GMDS: variants seen among roughly 807,000 people sequenced by gnomAD.
GMDS encodes GDP-mannose 4,6-dehydratase, also known as GDP-mannose 4,6 dehydratase.
Under a neutral mutation model 49.9 loss-of-function variants are expected in GMDS, and 20 were observed. That is an observed-to-expected ratio of 0.40 (90% CI 0.28 to 0.58). The LOEUF is 0.58. Ranked by LOEUF, GMDS falls within the 20% of genes least tolerant of loss-of-function variation. The pLI is 0.42. For missense variants in GMDS, 362 were observed against 481.4 expected (o/e 0.75, Z 2.32); for synonymous variants, 177 against 178.6 (o/e 0.99, Z 0.07).
At chr6:2,137,329 T>G (rs936963944) in intron 1 of GMDS, among the ~76,000 whole-genome samples, 3 of 147,602 alleles carry the variant, frequency 2.0e-5, no homozygotes, top group Non-Finnish European at 3.0e-5. Context: ...TACTGCTATA[T>G]TCCCTTTTTT....
chr6:2,121,226 G>A (rs1311720442), intron 2 of GMDS, among the ~76,000 whole-genome samples: 2 of 152,084 alleles, frequency 1.3e-5, no homozygotes, highest in Non-Finnish European at 2.9e-5. Context: ...TGGTCAACAG[G>A]GATAAAGGAG....
chr6:1,714,590 G>C (rs996101474), intron 9 of GMDS, among the ~76,000 whole-genome samples: 1 of 152,194 alleles, frequency 6.6e-6, no homozygotes, highest in Non-Finnish European at 1.5e-5. Flanking sequence ...CGTGTCATGG[G>C]GAAAGCCAGA....
chr6:2,058,307 T>C (rs1478387181), intron 4 of GMDS, among the ~76,000 whole-genome samples: 1 of 142,392 alleles, frequency 7.0e-6, no homozygotes, highest in Non-Finnish European at 1.5e-5. Context: ...ATGGCACCAC[T>C]GCACTCCAGC....
intron 9 of GMDS, among the ~76,000 whole-genome samples, chr6:1,667,766 T>C (rs1764281349): frequency 6.6e-6 from 1 of 152,008 alleles, no homozygotes; most frequent in Non-Finnish European, 1.5e-5. Flanking sequence ...GTATTATTTT[T>C]CTTCTTCTCA....
intron 4 of GMDS, among the ~76,000 whole-genome samples, chr6:2,083,542 TGAATACA>T (rs2127470113): frequency 6.6e-6 from 1 of 152,272 alleles, no homozygotes; most frequent in South Asian, 2.1e-4. Flanking sequence ...AATGCCACAC[TGAATACA>T]GAATACAGAC....
chr6:2,057,000 T>C (rs1312517802), intron 4 of GMDS, among the ~76,000 whole-genome samples: 1 of 152,252 alleles, frequency 6.6e-6, no homozygotes, highest in Non-Finnish European at 1.5e-5. Context: ...CCATTTAATA[T>C]GAATACACTG....
At chr6:1,799,802 A>G (rs903327941) in intron 7 of GMDS, among the ~76,000 whole-genome samples, 9 of 152,188 alleles carry the variant, frequency 5.9e-5, no homozygotes, top group African/African-American at 2.2e-4. Flanking sequence ...CAAACTGCGT[A>G]CTTTGTTCCT....
At chr6:1,882,275 T>A (rs757992408) in intron 7 of GMDS, among the ~76,000 whole-genome samples, 1 of 152,232 alleles carries the variant, frequency 6.6e-6, no homozygotes, top group Non-Finnish European at 1.5e-5. Context: ...CTCAGTGTAC[T>A]GCACCAAAGA....
chr6:1,632,084 T>C (rs114591535), intron 9 of GMDS, among the ~76,000 whole-genome samples: 6 of 152,218 alleles, frequency 3.9e-5, no homozygotes, highest in African/African-American at 1.4e-4. Flanking sequence ...CAAAGTCCTA[T>C]ACCGAAATGT....
intron 6 of GMDS, among the ~76,000 whole-genome samples, chr6:1,955,560 T>A (rs1415018863): frequency 6.6e-6 from 1 of 152,156 alleles, no homozygotes; most frequent in Non-Finnish European, 1.5e-5. Flanking sequence ...ACAAGTGCCA[T>A]CCACCCTCTT....
intron 4 of GMDS, among the ~76,000 whole-genome samples, chr6:2,076,975 C>T (rs1347476434): frequency 6.6e-6 from 1 of 152,144 alleles, no homozygotes; most frequent in Non-Finnish European, 1.5e-5. Context: ...CTATTTCGTT[C>T]ATCCATCTTT....
At chr6:1,831,254 G>T (rs1756628929) in intron 7 of GMDS, among the ~76,000 whole-genome samples, 2 of 152,212 alleles carry the variant, frequency 1.3e-5, no homozygotes. Context: ...GGAGAATTCA[G>T]TGGCTGTGTC....
At chr6:1,891,917 ACAG>A (rs1759888233) in intron 7 of GMDS, among the ~76,000 whole-genome samples, 1 of 152,230 alleles carries the variant, frequency 6.6e-6, no homozygotes, top group Non-Finnish European at 1.5e-5. Context: ...CAAGGAGGCC[ACAG>A]AACTCCACAA....
chr6:1,712,943 C>T lies in GMDS; in HGVS notation c.987+13473G>A, dbSNP rs555296227. Among the ~76,000 whole-genome samples, 17 of 152,288 alleles carry T rather than the reference C, an allele frequency of 1.1e-4. No homozygotes were observed. In the South Asian group the frequency reaches 1.7e-3, roughly 15 times the overall value. On this transcript the variant is annotated intron_variant, in intron 9 of 10. Coordinates refer to ENST00000380815, the MANE Select transcript of GMDS (RefSeq NM_001500.4). ...TGAATCAGAAAGCCTGACCAATGTCCGTGGATGACCAGGGACACGGGGCAG... is the reference window on the plus strand; with the variant it reads ...TGAATCAGAAAGCCTGACCAATGTCTGTGGATGACCAGGGACACGGGGCAG...
intron 1 of GMDS, among the ~76,000 whole-genome samples, chr6:2,169,337 T>C (rs1777825907): frequency 6.6e-6 from 1 of 152,224 alleles, no homozygotes; most frequent in Admixed American, 6.5e-5. Flanking sequence ...AACAGTATGG[T>C]GGCTCACGCC....
intron 8 of GMDS, among the ~76,000 whole-genome samples, chr6:1,741,811 C>CAAAAAAAAAAAAAAAAAAAAA: frequency 4.3e-5 from 1 of 23,054 alleles, no homozygotes; most frequent in Non-Finnish European, 9.6e-5. Flanking sequence ...GACTCTGTCT[C>CAAAAAAAAAAAAAAAAAAAAA]AAAAAAAAAA....
intron 1 of GMDS, among the ~76,000 whole-genome samples, chr6:2,134,853 GTATT>G (rs1459659305): frequency 2.6e-5 from 4 of 152,130 alleles, no homozygotes; most frequent in Non-Finnish European, 5.9e-5. Context: ...ATACAGCAAA[GTATT>G]TATTATTGTT....
chr6:2,188,221 A>G (rs1207988767), intron 1 of GMDS, among the ~76,000 whole-genome samples: 1 of 152,254 alleles, frequency 6.6e-6, no homozygotes, highest in East Asian at 1.9e-4. Context: ...TTTTACCCAA[A>G]TGCTCAGAAA....
intron 1 of GMDS, among the ~76,000 whole-genome samples, chr6:2,207,762 G>A (rs1282713463): frequency 6.6e-6 from 1 of 151,760 alleles, no homozygotes; most frequent in Non-Finnish European, 1.5e-5. Context: ...CTTCCCCTCT[G>A]GAAATTACAG....
Sources: allele counts gnomAD v4.1 joint callset (sites outside exome capture counted in the v4.1 genomes callset), GRCh38; gene constraint gnomAD v4.1.1; transcripts MANE v1.5; gene names NCBI Gene and HGNC (gene_info 2026-07-23, HGNC 2026-07-21).